BRD3: variants seen among roughly 807,000 people sequenced by gnomAD.
BRD3 encodes the protein bromodomain containing 3, also known as bromodomain-containing protein 3.
In BRD3, 17 loss-of-function variants were observed where a neutral mutation model predicts 66.8. The observed-to-expected ratio is 0.25, with a 90% CI of 0.17 to 0.38. The LOEUF (loss-of-function observed/expected upper bound fraction) is 0.38, where lower values mean the gene tolerates loss of function less well. Among genes scored for constraint, BRD3 ranks in the 10% least tolerant of loss-of-function variants. The pLI, the probability that BRD3 is intolerant of heterozygous loss-of-function variation, is 1.00. For synonymous variants in BRD3, 421 were observed against 393.2 expected (o/e 1.07, Z -0.84); for missense variants, 713 against 956.1 (o/e 0.75, Z 3.35).
rs553305858 is a variant in BRD3 at position 134,045,833 on chromosome 9, C to A, written c.1087-412G>T. ...GAGGCTGCAGCAAAGTCAGACTCCACCAACAACAGGGGGCCTGCTCAGTCT... is the reference window on the plus strand; with the variant it reads ...GAGGCTGCAGCAAAGTCAGACTCCAACAACAACAGGGGGCCTGCTCAGTCT... On this transcript the variant is annotated intron_variant, in intron 6 of 11. Coordinates refer to ENST00000303407, the MANE Select transcript of BRD3 (RefSeq NM_007371.4). This position sits in a 1 kb window ranked among gnomAD's most constrained non-coding sequence, Gnocchi z 4.8. 1.3e-5 allele frequency among the ~76,000 whole-genome samples: 2 copies of A among 152,270 alleles called. No individual in the cohort carries two copies. The highest frequency in any genetic ancestry group is 2.9e-5 in the Non-Finnish European group (2 of 68,008).
chr9:134,030,990 C>A lies in BRD3; in HGVS notation c.*2600G>T, dbSNP rs1050739531. ...AGCCTTCTAATACAGAAGAAACGGA[C>A]GTGACTGTCACCCTCAGCCCGCCAG... On this transcript the variant is annotated 3_prime_UTR_variant, in exon 12 of 12. Transcript: ENST00000303407. The A allele has an allele frequency of 4.3e-5, 10 of 230,826 alleles. No individual in the cohort carries two copies. The highest frequency in any genetic ancestry group is 2.3e-4 in the Admixed American group (4 of 17,686). The allele number at this position is 230,826 out of a possible 1,614,324, so 14.3% of individuals were successfully genotyped here. A position where few individuals can be genotyped will look rare whatever the true frequency, so the allele number is the denominator to read the frequency against.
intron 10 of BRD3, 33 bp downstream of exon 10, chr9:134,035,999 C>A: frequency 6.4e-7 from 1 of 1,558,624 alleles, no homozygotes; most frequent in South Asian, 1.2e-5. Flanking sequence ...GGGAGAGGAA[C>A]TTCAAGCACC....
intron 7 of BRD3, among the ~76,000 whole-genome samples, chr9:134,042,380 C>A (rs1588279252): frequency 6.6e-6 from 1 of 152,330 alleles, no homozygotes; most frequent in Admixed American, 6.5e-5. Flanking sequence ...TCTCTTCACC[C>A]CGGAACTGAC....
chr9:134,050,915 C>T (rs1208933217), intron 4 of BRD3, among the ~76,000 whole-genome samples: 10 of 152,174 alleles, frequency 6.6e-5, no homozygotes, highest in Admixed American at 6.5e-4. Context: ...GAACTCGGTT[C>T]CCTAAGTAAC....
At chr9:134,060,200 A>G (rs993089896) in intron 1 of BRD3, among the ~76,000 whole-genome samples, 1 of 152,218 alleles carries the variant, frequency 6.6e-6, no homozygotes, top group Admixed American at 6.5e-5. Flanking sequence ...TGCCTTAGAC[A>G]CAAGAGGATC....
At chr9:134,067,523 C>T (rs1830690771) in intron 1 of BRD3, among the ~76,000 whole-genome samples, 2 of 148,322 alleles carry the variant, frequency 1.3e-5, no homozygotes, top group South Asian at 4.1e-4. Flanking sequence ...CTGGGTTCCC[C>T]CTTCGAAAGA....
chr9:134,056,464 A>G (rs1256005168), intron 1 of BRD3, among the ~76,000 whole-genome samples: 2 of 152,036 alleles, frequency 1.3e-5, no homozygotes, highest in Non-Finnish European at 2.9e-5. Context: ...CACCCCACAC[A>G]CTCAGATTTT....
chr9:134,038,534 C>G (rs1403079019), intron 9 of BRD3, among the ~76,000 whole-genome samples: 1 of 152,176 alleles, frequency 6.6e-6, no homozygotes, highest in Non-Finnish European at 1.5e-5. Context: ...AAGTGATCCT[C>G]CTGCCTGGCC....
intron 10 of BRD3, among the ~76,000 whole-genome samples, chr9:134,035,553 C>T (rs541934646): frequency 6.6e-6 from 1 of 152,116 alleles, no homozygotes; most frequent in Non-Finnish European, 1.5e-5. Context: ...GGCTTCTGGA[C>T]TTGTGACCCC....
In BRD3 at chr9:134,048,074, G is replaced by A. The variant is rs199706183; in HGVS notation, c.1086+9C>T. ...TGGGCAGAGCAGGGCCTGCCGCGCG[G>A]CCACGTACTTTCACGGTGCTGAGGT... On this transcript the variant is annotated intron_variant, in intron 6 of 11. Coordinates refer to ENST00000303407, the MANE Select transcript of BRD3 (RefSeq NM_007371.4). 20 of 1,553,900 alleles carry A rather than the reference G, an allele frequency of 1.3e-5. No homozygotes were observed. The highest frequency in any genetic ancestry group is 2.3e-4 in the Middle Eastern group (1 of 4,350).
chr9:134,057,057 C>A (rs1246957179), intron 1 of BRD3: 1 of 152,402 alleles, frequency 6.6e-6, no homozygotes, highest in East Asian at 1.9e-4. Context: ...ACTCGAAAGA[C>A]CTCCCCTAGG....
chr9:134,054,972 C>T (rs1478319390), intron 1 of BRD3, among the ~76,000 whole-genome samples: 3 of 152,198 alleles, frequency 2.0e-5, no homozygotes, highest in Admixed American at 6.5e-5. Context: ...GTCTCTGGGG[C>T]GCCCACCTGT....
At chr9:134,046,165 G>A (rs927379004) in intron 6 of BRD3, among the ~76,000 whole-genome samples, 2 of 152,226 alleles carry the variant, frequency 1.3e-5, no homozygotes, top group Admixed American at 6.5e-5. Flanking sequence ...GGGGTAAGGA[G>A]GGGCACACAG....
intron 1 of BRD3, among the ~76,000 whole-genome samples, chr9:134,064,422 C>G (rs577975280): frequency 2.6e-5 from 4 of 151,878 alleles, no homozygotes; most frequent in African/African-American, 9.7e-5. Flanking sequence ...CACCTGTAAT[C>G]CCAGCTACTT....
chr9:134,036,654 G>A lies in BRD3; in HGVS notation c.1644-330C>T. On this transcript the variant is annotated intron_variant, in intron 9 of 11. Transcript: ENST00000303407. ...GAACAAAGGAACAGAAAACACAGAG[G>A]AAAAAGAAAATAATAAAATGAGAGA... is the stretch of plus-strand genomic sequence containing the variant. The A allele has an allele frequency of 4.1e-6, 5 of 1,232,048 alleles. No individual in the cohort carries two copies. The Admixed American group carries it at 9.4e-5, about 23-fold the overall frequency. 76.3% of individuals were successfully genotyped at this position (1,232,048 alleles called of 1,614,324 possible).
At position 134,032,084 on chromosome 9, in the gene BRD3, C is replaced by G. The variant is rs936924893; in HGVS notation, c.*1506G>C. On this transcript the variant is annotated 3_prime_UTR_variant, in exon 12 of 12. Transcript: ENST00000303407. ...CACCCGCAAGCCTGGGAGGCTAACTCTGGCATTCCTGGCCGGAGCCGCCAT... is the reference window on the plus strand; with the variant it reads ...CACCCGCAAGCCTGGGAGGCTAACTGTGGCATTCCTGGCCGGAGCCGCCAT... 5 of 218,378 alleles carry G rather than the reference C, an allele frequency of 2.3e-5. No individual in the cohort carries two copies. Among genetic ancestry groups the G allele is most frequent in the Non-Finnish European group, 3.7e-5 (4 of 108,632 alleles). The allele number at this position is 218,378 out of a possible 1,614,324, so 13.5% of individuals were successfully genotyped here.
intron 1 of BRD3, among the ~76,000 whole-genome samples, chr9:134,067,551 G>A (rs1383262677): frequency 1.4e-5 from 2 of 147,856 alleles, no homozygotes; most frequent in African/African-American, 2.4e-5. Context: ...CGGAGGAAAG[G>A]GGGAAAAAAA....
intron 11 of BRD3, chr9:134,034,499 C>T: frequency 1.4e-6 from 1 of 692,818 alleles, no homozygotes; most frequent in Non-Finnish European, 2.3e-6. Flanking sequence ...GACATGTGCA[C>T]ACCTCCCTGC....
At chr9:134,042,097 G>C in intron 7 of BRD3, 146 bp from the exon 8 acceptor site, 1 of 939,184 alleles carries the variant, frequency 1.1e-6, no homozygotes, top group Non-Finnish European at 1.5e-6. Flanking sequence ...GGTCCCGCCT[G>C]CCTGGGGGGC....
Sources: gnomAD v4.1 joint callset for allele counts (sites outside exome capture counted in the v4.1 genomes callset) on GRCh38, gnomAD v4.1.1 for gene constraint, Gnocchi (gnomAD v3.1) non-coding constraint, MANE v1.5 for transcripts, NCBI Gene and HGNC (gene_info 2026-07-23, HGNC 2026-07-21) for gene names.